ZNF613: variants seen among roughly 807,000 people sequenced by gnomAD.
ZNF613 encodes zinc finger protein 613.
In ZNF613, 8 loss-of-function variants were observed where a neutral mutation model predicts 14.3. The ratio of observed to expected loss-of-function variants is 0.56; its 90% CI spans 0.33 to 1.01. The LOEUF (loss-of-function observed/expected upper bound fraction) is 1.01, where lower values mean the gene tolerates loss of function less well. ZNF613 is among the 50% of genes least tolerant of loss of function. The pLI is 0.03. For missense variants in ZNF613, 656 were observed against 741.9 expected, an observed-to-expected ratio of 0.88 and a Z score of 1.35; for synonymous variants, 228 against 254.5, an observed-to-expected ratio of 0.90 and a Z score of 0.99.
In ZNF613 at chr19:51,944,646, A is replaced by G. The variant is rs2085379180; in HGVS notation, c.763A>G (p.Thr255Ala). 1 of 1,614,086 alleles carries G rather than the reference A, an allele frequency of 6.2e-7. No individual in the cohort carries two copies. The highest frequency in any genetic ancestry group is 1.7e-5 in the Admixed American group (1 of 60,010). The change falls in exon 6 of 6, where the codon ACA becomes GCA. Residue 255 changes from threonine to alanine, a missense_variant. Thr to Ala is a moderately conservative substitution (Grantham distance 58). Coordinates refer to ENST00000293471, the MANE Select transcript of ZNF613 (RefSeq NM_001031721.4). ...SGLTEHQRNH[T>A]GEKPYECTEC... ...GCTCACTGAACACCAGAGAAACCAC[A>G]CAGGAGAGAAACCCTATGAATGCAC...
At chr19:51,932,040 C>T (rs1007779063) in intron 2 of ZNF613, among the ~76,000 whole-genome samples, 12 of 152,026 alleles carry the variant, frequency 7.9e-5, no homozygotes, top group East Asian at 3.9e-4. Flanking sequence ...GGGTGATTGT[C>T]GAGTAATTGT....
chr19:51,938,260 A>T (rs1289479973), intron 3 of ZNF613, among the ~76,000 whole-genome samples: 4 of 151,150 alleles, frequency 2.6e-5, no homozygotes, highest in South Asian at 4.2e-4. Context: ...CTTTTTCTAA[A>T]TTTTTTTTTC....
rs1279724354 is a variant in ZNF613, at chr19:51,940,719, G to T, written c.235+10G>T. The T allele has an allele frequency of 1.9e-6, 3 of 1,606,408 alleles. No homozygotes were observed. In the Admixed American group the frequency reaches 5.1e-5, roughly 27 times the overall value. On this transcript the variant is annotated intron_variant, in intron 5 of 5. Transcript: ENST00000293471. ...AGCCAAATCTGTCCAGGTGAGTTCAGGGTGAGAGCCAGCAAGGAGGGTGGC... is the reference window on the plus strand; with the variant it reads ...AGCCAAATCTGTCCAGGTGAGTTCATGGTGAGAGCCAGCAAGGAGGGTGGC...
chr19:51,944,332 A>G lies in ZNF613; in HGVS notation c.449A>G (p.Glu150Gly). 6.3e-7 allele frequency: 1 copy of G among 1,594,152 alleles called. No homozygotes were observed. Residue 150 changes from glutamate (E) to glycine (G), a missense_variant, in exon 6 of 6, where the codon GAA becomes GGA. By Grantham distance (98) the Glu-to-Gly change is moderately conservative. Coordinates refer to ENST00000293471, the MANE Select transcript of ZNF613 (RefSeq NM_001031721.4). ...LSLVNQNKRY[E>G]IKNSVGVNGD... ...TTAGTCAACCAGAACAAAAGGTATG[A>G]AATCAAGAATTCTGTGGGGGTTAAT...
Position 51,935,575 on chromosome 19 carries a change from T to C in ZNF613, c.-193-453T>C, listed in dbSNP as rs115094943. 5.7e-3 allele frequency among the ~76,000 whole-genome samples: 869 copies of C among 152,328 alleles called. 9 individuals are homozygous for C. Among genetic ancestry groups the C allele is most frequent in the African/African-American group, 0.02 (813 of 41,560 alleles). On this transcript the variant is annotated intron_variant, in intron 2 of 5. Coordinates refer to ENST00000293471, the MANE Select transcript of ZNF613 (RefSeq NM_001031721.4). ...ATGAGAATTCAAATACAACAACCCC[T>C]CTGCTTGGCTTAATACATTTGTCTT...
At position 51,944,443 on chromosome 19, in the gene ZNF613, C is replaced by T; in HGVS notation, c.560C>T (p.Thr187Ile). The T allele has an allele frequency of 6.2e-7, 1 of 1,605,628 alleles. No individual in the cohort carries two copies. Among genetic ancestry groups the T allele is most frequent in the Non-Finnish European group, 8.5e-7 (1 of 1,173,618 alleles). Residue 187 changes from threonine to isoleucine, a missense_variant, in exon 6 of 6, where the codon ACA (threonine) becomes ATA (isoleucine). Transcript: ENST00000293471. ...CCCGAAGGTGGAAATTCTGTGAATA[C>T]AAATTCACAATTCATTAAGCATCAG... ...NFPEGGNSVNTNSQFIKHQRT... is the reference protein window; with the variant it reads ...NFPEGGNSVNINSQFIKHQRT...
At chr19:51,943,148 A>T (rs896875978) in intron 5 of ZNF613, among the ~76,000 whole-genome samples, 3 of 152,230 alleles carry the variant, frequency 2.0e-5, no homozygotes, top group Admixed American at 6.5e-5. Flanking sequence ...CCTGAAGTCC[A>T]CTTGGGAGGC....
chr19:51,945,046 T>C lies in ZNF613; in HGVS notation c.1163T>C (p.Ile388Thr), dbSNP rs760539791. 6.2e-7 allele frequency: 1 copy of C among 1,614,146 alleles called. No homozygotes were observed. Among genetic ancestry groups the C allele is most frequent in the Non-Finnish European group, 8.5e-7 (1 of 1,180,026 alleles). Reference sequence around the variant, plus strand: ...GGCTTCATTCAGAAGGGAAATCTCATTGTACATCAGCGAATTCATACTGGA... The same window carrying C: ...GGCTTCATTCAGAAGGGAAATCTCACTGTACATCAGCGAATTCATACTGGA... ...GKGFIQKGNLIVHQRIHTGEK... is the reference protein window; with the variant it reads ...GKGFIQKGNLTVHQRIHTGEK... Residue 388 changes from isoleucine to threonine, a missense_variant, in exon 6 of 6, where the codon ATT (isoleucine) becomes ACT (threonine). By Grantham distance (89) the Ile-to-Thr change is moderately conservative. Coordinates refer to ENST00000293471, the MANE Select transcript of ZNF613 (RefSeq NM_001031721.4).
chr19:51,938,157 A>T, intron 3 of ZNF613, among the ~76,000 whole-genome samples: 1 of 151,326 alleles, frequency 6.6e-6, no homozygotes, highest in East Asian at 1.9e-4. Context: ...AAGGTTACCC[A>T]AGGACCCAGT....
chr19:51,941,949 T>C (rs1382952855), intron 5 of ZNF613, among the ~76,000 whole-genome samples: 1 of 152,224 alleles, frequency 6.6e-6, no homozygotes, highest in Non-Finnish European at 1.5e-5. Context: ...TGCCTATTAT[T>C]TAGTTTCTCT....
rs754740297 is a variant in ZNF613 at position 51,936,176 on chromosome 19, G to A, written c.-45G>A. 1 of 1,590,352 alleles carries A rather than the reference G, an allele frequency of 6.3e-7. No homozygotes were observed. The highest frequency in any genetic ancestry group is 1.2e-5 in the South Asian group (1 of 86,476). On this transcript the variant is annotated 5_prime_UTR_variant, in exon 3 of 6. Transcript: ENST00000293471. Reference sequence around the variant, plus strand: ...GAGGGCAGCTCAAGGAGAGACTACAGACACAGCATCCTACTTACTGGCTAT... The same window carrying A: ...GAGGGCAGCTCAAGGAGAGACTACAAACACAGCATCCTACTTACTGGCTAT...
At chr19:51,927,713 G>A (rs1012856181) in intron 1 of ZNF613, among the ~76,000 whole-genome samples, 173 bp downstream of exon 1, 1 of 152,020 alleles carries the variant, frequency 6.6e-6, no homozygotes, top group Non-Finnish European at 1.5e-5. Flanking sequence ...GGTGGTCAGA[G>A]TCTGTCCAGA....
At chr19:51,928,920 AAGG>A (rs1370701047) in intron 1 of ZNF613, among the ~76,000 whole-genome samples, 1 of 151,972 alleles carries the variant, frequency 6.6e-6, no homozygotes, top group African/African-American at 2.4e-5. Context: ...AGAAAATGAT[AAGG>A]TTTCTATTAA....
chr19:51,944,078 T>G (rs1006326093), intron 5 of ZNF613, 41 bp from the exon 6 acceptor site: 4 of 1,491,138 alleles, frequency 2.7e-6, no homozygotes, highest in Non-Finnish European at 3.6e-6. Flanking sequence ...ATAGTTCTAT[T>G]CCATGCTCAT....
Position 51,945,923 on chromosome 19 carries a change from G to T in ZNF613, c.*186G>T. The stretch of plus-strand genomic sequence containing the variant: ...TGGAGACTGGGAAATTCTTTTATGG[G>T]AAGATAGATCTTCTCATCAGTGACC... On this transcript the variant is annotated 3_prime_UTR_variant, in exon 6 of 6. Coordinates refer to ENST00000293471, the MANE Select transcript of ZNF613 (RefSeq NM_001031721.4). 1.6e-6 allele frequency: 1 copy of T among 624,958 alleles called. No homozygotes were observed. Among genetic ancestry groups the T allele is most frequent in the Non-Finnish European group, 2.8e-6 (1 of 362,610 alleles). 38.7% of individuals were successfully genotyped at this position (624,958 alleles called of 1,614,324 possible).
chr19:51,932,635 T>A (rs2085275517), intron 2 of ZNF613, among the ~76,000 whole-genome samples: 1 of 152,096 alleles, frequency 6.6e-6, no homozygotes, highest in African/African-American at 2.4e-5. Context: ...TCTGGGTATT[T>A]TATATAAATG....
chr19:51,928,777 C>T (rs1199296735), intron 1 of ZNF613, among the ~76,000 whole-genome samples: 1 of 151,148 alleles, frequency 6.6e-6, no homozygotes, highest in Non-Finnish European at 1.5e-5. Flanking sequence ...ATCACGTGAC[C>T]CCGGGAGTTC....
chr19:51,944,326 G>T lies in ZNF613; in HGVS notation c.443G>T (p.Arg148Met). 6.3e-7 allele frequency: 1 copy of T among 1,594,126 alleles called. No homozygotes were observed. The highest frequency in any genetic ancestry group is 8.6e-7 in the Non-Finnish European group (1 of 1,166,426). Residue 148 changes from arginine to methionine, a missense_variant, in exon 6 of 6, where the codon AGG becomes ATG. Coordinates refer to ENST00000293471, the MANE Select transcript of ZNF613 (RefSeq NM_001031721.4). Reference sequence around the variant, plus strand: ...TTAAGTTTAGTCAACCAGAACAAAAGGTATGAAATCAAGAATTCTGTGGGG... The same window carrying T: ...TTAAGTTTAGTCAACCAGAACAAAATGTATGAAATCAAGAATTCTGTGGGG... Reference protein sequence around the residue: ...SNLSLVNQNKRYEIKNSVGVN... With the variant: ...SNLSLVNQNKMYEIKNSVGVN...
chr19:51,938,725 G>GATAGATATATATATATATAT (rs1413058995), intron 3 of ZNF613, among the ~76,000 whole-genome samples: 3 of 118,884 alleles, frequency 2.5e-5, no homozygotes, highest in African/African-American at 1.2e-4. Context: ...AATGTACATG[G>GATAGATATATATATATATAT]ATATATATAT....
Sources: gnomAD v4.1 joint callset for allele counts (sites outside exome capture counted in the v4.1 genomes callset) on GRCh38, gnomAD v4.1.1 for gene constraint, MANE v1.5 for transcripts, NCBI Gene and HGNC (gene_info 2026-07-23, HGNC 2026-07-21) for gene names.